The following PCDHGB4 variants were observed in gnomAD, a reference collection of about 807,000 sequenced individuals.
PCDHGB4 encodes the protein protocadherin gamma subfamily B, 4, also known as protocadherin gamma-B4.
A neutral mutation model predicts 60.5 loss-of-function variants in PCDHGB4; 38 were observed. That is an observed-to-expected ratio of 0.63 (90% CI 0.48 to 0.82). PCDHGB4 has a LOEUF of 0.82. Among genes scored for constraint, PCDHGB4 ranks in the 40% least tolerant of loss-of-function variants. The pLI is 0.00. For missense variants in PCDHGB4, 1,109 were observed against 1,209.6 expected, an observed-to-expected ratio of 0.92 and a Z score of 1.23; for synonymous variants, 456 against 509.7, an observed-to-expected ratio of 0.89 and a Z score of 1.42.
intron 2 of PCDHGB4, among the ~76,000 whole-genome samples, chr5:141,500,189 TTTATTTA>T (rs1562193869): frequency 4.5e-5 from 5 of 110,894 alleles, no homozygotes; most frequent in African/African-American, 1.8e-4. Context: ...TTTATTTTTA[TTTATTTA>T]TTTATTTATT....
intron 1 of PCDHGB4, chr5:141,418,003 G>T (rs1441842557): frequency 6.2e-7 from 1 of 1,613,798 alleles, no homozygotes; most frequent in Non-Finnish European, 8.5e-7. Context: ...CGGTGGTGGG[G>T]AACCTCGCTA....
chr5:141,396,708 T>C (rs1402538886), intron 1 of PCDHGB4: 1 of 152,190 alleles, frequency 6.6e-6, no homozygotes, highest in Admixed American at 6.5e-5. Flanking sequence ...AGCATTTGAA[T>C]AAAGCTAATA....
Position 141,432,732 on chromosome 5 carries a change from T to G in PCDHGB4, c.2397+42451T>G, listed in dbSNP as rs1300743675. 2.5e-6 allele frequency: 4 copies of G among 1,613,940 alleles called. No individual in the cohort carries two copies. Among genetic ancestry groups the G allele is most frequent in the Non-Finnish European group, 3.4e-6 (4 of 1,179,992 alleles). On this transcript the variant is annotated intron_variant, in intron 1 of 3. Coordinates refer to ENST00000519479, the MANE Select transcript of PCDHGB4 (RefSeq NM_003736.4). This position sits in a 1 kb window ranked among gnomAD's most constrained non-coding sequence, Gnocchi z 6.0. ...GGCCAGCCCCCTCTCTCCGCCACTG[T>G]CACGCTCACCGTGGCCGTGGCCGAC...
intron 1 of PCDHGB4, chr5:141,404,997 C>A (rs2154535986): frequency 6.2e-7 from 1 of 1,614,034 alleles, no homozygotes; most frequent in East Asian, 2.2e-5. Context: ...CAGATCCCTG[C>A]AGACCTGGAG....
rs1384951887 is a variant in PCDHGB4, at chr5:141,465,860, T to C, written c.2398-28947T>C. ...AACTGAGGCTGGGCCCAGTGGCTCA[T>C]GCCTGTAATCCCAGCACTTTGGGAG... On this transcript the variant is annotated intron_variant, in intron 1 of 3. Coordinates refer to ENST00000519479, the MANE Select transcript of PCDHGB4 (RefSeq NM_003736.4). Among the ~76,000 whole-genome samples the C allele has an allele frequency of 2.0e-5, 3 of 152,114 alleles. No individual in the cohort carries two copies. The South Asian group carries it at 6.2e-4, about 32-fold the overall frequency.
At position 141,487,886 on chromosome 5, in the gene PCDHGB4, G is replaced by A. The variant is rs1208779156; in HGVS notation, c.2398-6921G>A. On this transcript the variant is annotated intron_variant, in intron 1 of 3. Transcript: ENST00000519479. This position sits in a 1 kb window ranked among gnomAD's most constrained non-coding sequence, Gnocchi z 5.0. ...GATCAAGAGCCAGGCTGTTGTGGAA[G>A]CATGATGATGGAATGTGGGAGCACA... is the stretch of plus-strand genomic sequence containing the variant. 1.3e-6 allele frequency: 1 copy of A among 751,316 alleles called. No individual in the cohort carries two copies. The highest frequency in any genetic ancestry group is 2.1e-6 in the Non-Finnish European group (1 of 467,526). The allele number at this position is 751,316 out of a possible 1,614,324, so 46.5% of individuals were successfully genotyped here.
intron 3 of PCDHGB4, among the ~76,000 whole-genome samples, chr5:141,510,272 T>TA (rs546154379): frequency 0.17 from 22,022 of 130,294 alleles, 2,255 homozygotes; most frequent in African/African-American, 0.28. Flanking sequence ...GACTCCATCT[T>TA]AAAAAAAAAA....
intron 1 of PCDHGB4, among the ~76,000 whole-genome samples, chr5:141,454,261 A>T (rs183133499): frequency 1.3e-5 from 2 of 152,364 alleles, no homozygotes; most frequent in South Asian, 2.1e-4. Flanking sequence ...CAGAGAAAGT[A>T]ATGCCAGCAA....
chr5:141,402,816 C>T, intron 1 of PCDHGB4: 1 of 1,261,762 alleles, frequency 7.9e-7, no homozygotes, highest in South Asian at 1.7e-5. Flanking sequence ...ATACCACAAA[C>T]CTGCTCCCAG....
At chr5:141,393,367 G>A (rs1302436646) in intron 1 of PCDHGB4, 2 of 1,613,962 alleles carry the variant, frequency 1.2e-6, no homozygotes, top group East Asian at 2.2e-5. Flanking sequence ...GTGCAGACTG[G>A]AGACAATGGA....
At chr5:141,427,637 C>T (rs771573587) in intron 1 of PCDHGB4, 5 of 707,806 alleles carry the variant, frequency 7.1e-6, no homozygotes, top group Non-Finnish European at 1.3e-5. Context: ...CGGTTTTCCA[C>T]CAAGTCTCCT....
Position 141,487,532 on chromosome 5 carries a change from A to C in PCDHGB4, c.2398-7275A>C. 6.2e-7 allele frequency: 1 copy of C among 1,614,158 alleles called. No homozygotes were observed. Among genetic ancestry groups the C allele is most frequent in the Non-Finnish European group, 8.5e-7 (1 of 1,180,022 alleles). On this transcript the variant is annotated intron_variant, in intron 1 of 3. Transcript: ENST00000519479. This position sits in a 1 kb window ranked among gnomAD's most constrained non-coding sequence, Gnocchi z 5.0. Reference sequence around the variant, plus strand: ...ACCCACTCGGAGTGATAGCTTCATGATGGTGAAGTCACCCAGTGCACCTAT... The same window carrying C: ...ACCCACTCGGAGTGATAGCTTCATGCTGGTGAAGTCACCCAGTGCACCTAT...
At chr5:141,445,134 A>T (rs900226020) in intron 1 of PCDHGB4, among the ~76,000 whole-genome samples, 1 of 152,198 alleles carries the variant, frequency 6.6e-6, no homozygotes, top group East Asian at 1.9e-4. Context: ...TTAAAATTGT[A>T]TCTTCTAATT....
chr5:141,402,098 C>G (rs2094224797), intron 1 of PCDHGB4, among the ~76,000 whole-genome samples: 1 of 152,048 alleles, frequency 6.6e-6, no homozygotes, highest in Non-Finnish European at 1.5e-5. Context: ...AAAGTTTAAG[C>G]AATTACAAAA....
At chr5:141,403,116 A>G (rs1313523426) in intron 1 of PCDHGB4, 6 of 1,614,042 alleles carry the variant, frequency 3.7e-6, no homozygotes, top group Non-Finnish European at 5.1e-6. Flanking sequence ...CTGGCTCTGG[A>G]GCCCCGGGAG....
Position 141,425,635 on chromosome 5 carries a change from T to C in PCDHGB4, c.2397+35354T>C, listed in dbSNP as rs376675545. On this transcript the variant is annotated intron_variant, in intron 1 of 3. Coordinates refer to ENST00000519479, the MANE Select transcript of PCDHGB4 (RefSeq NM_003736.4). ...TCAGTGCTCCTCCAGTTTTCTCTGA[T>C]AAAACTAGGAGGAAAATTATCTGCA... Among the ~76,000 whole-genome samples, 51 of 152,354 alleles carry C rather than the reference T, an allele frequency of 3.3e-4. 1 individual carries two copies. The South Asian group carries it at 0.01, about 30-fold the overall frequency.
chr5:141,410,524 T>A, intron 1 of PCDHGB4: 1 of 1,613,954 alleles, frequency 6.2e-7, no homozygotes. Context: ...TGCCCCTACA[T>A]TCCAATGAAG....
chr5:141,489,900 A>G lies in PCDHGB4; in HGVS notation c.2398-4907A>G, dbSNP rs963522810. The stretch of plus-strand genomic sequence containing the variant: ...TTACTGCTGTGGATGGGGGGACCCC[A>G]GCCCGCTCAGGGACCACCCTTATCT... On this transcript the variant is annotated intron_variant, in intron 1 of 3. Transcript: ENST00000519479. The surrounding 1 kb of genome is among the most constrained non-coding windows in gnomAD (Gnocchi z 4.5). The G allele has an allele frequency of 1.9e-6, 3 of 1,614,254 alleles. No homozygotes were observed. The highest frequency in any genetic ancestry group is 1.7e-5 in the Admixed American group (1 of 60,026).
At chr5:141,430,752 A>C (rs772436100) in intron 1 of PCDHGB4, 1 of 1,501,400 alleles carries the variant, frequency 6.7e-7, no homozygotes, top group East Asian at 2.3e-5. Context: ...TTCTGGAGGA[A>C]GATAAGAATG....
Sources: allele counts gnomAD v4.1 joint callset (sites outside exome capture counted in the v4.1 genomes callset), GRCh38; gene constraint gnomAD v4.1.1; non-coding constraint Gnocchi (gnomAD v3.1); transcripts MANE v1.5; gene names NCBI Gene and HGNC (gene_info 2026-07-23, HGNC 2026-07-21).